Variants in LPCAT2 observed in about 807,000 individuals in gnomAD.
The protein encoded by LPCAT2 is lysophosphatidylcholine acyltransferase 2.
LPCAT2 carries 58 observed loss-of-function variants against 64.7 expected under a neutral mutation model. The ratio of observed to expected loss-of-function variants is 0.90; its 90% CI spans 0.73 to 1.12. LPCAT2 has a LOEUF of 1.12. Ranked by LOEUF, LPCAT2 falls within the 50% of genes most tolerant of loss-of-function variation. The probability of loss-of-function intolerance (pLI) is 0.00; values close to 1 mark genes in which losing one functional copy is unlikely to be tolerated. For synonymous variants in LPCAT2, 252 were observed against 245.3 expected (o/e 1.03, Z -0.26); for missense variants, 579 against 669.8 (o/e 0.86, Z 1.50).
intron 10 of LPCAT2, among the ~76,000 whole-genome samples, chr16:55,550,427 A>C (rs1295237227): frequency 6.6e-6 from 1 of 152,218 alleles, no homozygotes; most frequent in African/African-American, 2.4e-5. Context: ...TCTTGAAAGC[A>C]AGAATTGTTA....
Position 55,532,817 on chromosome 16 carries a change from G to T in LPCAT2, c.704-7G>T. 1.2e-6 allele frequency: 2 copies of T among 1,608,386 alleles called. No individual in the cohort carries two copies. Among genetic ancestry groups the T allele is most frequent in the South Asian group, 1.1e-5 (1 of 90,896 alleles). ...AAACACATTATAAACTTTCAATGTG[G>T]TTGCAGGAGCCTTCATTCCAGGAGT... On this transcript the variant is annotated splice_polypyrimidine_tract_variant and splice_region_variant and intron_variant, in intron 5 of 13. Coordinates refer to ENST00000262134, the MANE Select transcript of LPCAT2 (RefSeq NM_017839.5).
At chr16:55,535,086 C>T (rs1963307532) in intron 7 of LPCAT2, among the ~76,000 whole-genome samples, 1 of 152,146 alleles carries the variant, frequency 6.6e-6, no homozygotes, top group Non-Finnish European at 1.5e-5. Flanking sequence ...AACTTGGTTT[C>T]TCTCAAGATC....
chr16:55,514,342 C>T (rs1215726457), intron 1 of LPCAT2, among the ~76,000 whole-genome samples: 1 of 152,158 alleles, frequency 6.6e-6, no homozygotes, highest in African/African-American at 2.4e-5. Context: ...AAGGCTAAGG[C>T]AGAGTTGTCA....
At position 55,509,150 on chromosome 16, in the gene LPCAT2, C is replaced by T. The variant is rs2142382917; in HGVS notation, c.-32C>T. The T allele has an allele frequency of 3.1e-6, 4 of 1,306,322 alleles. No individual in the cohort carries two copies. In the South Asian group the frequency reaches 6.5e-5, roughly 21 times the overall value. 80.9% of individuals were successfully genotyped at this position (1,306,322 alleles called of 1,614,324 possible). On this transcript the variant is annotated 5_prime_UTR_variant, in exon 1 of 14. Transcript: ENST00000262134. ...TTTTGGCTGCAGCGCCCGCGTAGAT[C>T]GCTTCGGCCGGGTTCTACGCCCGGC...
chr16:55,517,609 C>G (rs541047064), intron 1 of LPCAT2, among the ~76,000 whole-genome samples: 14 of 152,224 alleles, frequency 9.2e-5, no homozygotes, highest in South Asian at 8.3e-4. Context: ...TGCTAGCAAA[C>G]TGAATCCAGC....
intron 1 of LPCAT2, among the ~76,000 whole-genome samples, chr16:55,524,902 G>A (rs144303297): frequency 2.6e-5 from 4 of 151,924 alleles, no homozygotes; most frequent in Non-Finnish European, 5.9e-5. Context: ...GTTACTACAC[G>A]CCAAGTGCTT....
At chr16:55,545,046 AAT>A (rs1963438149) in intron 8 of LPCAT2, among the ~76,000 whole-genome samples, 1 of 152,202 alleles carries the variant, frequency 6.6e-6, no homozygotes, top group Non-Finnish European at 1.5e-5. Context: ...GGTGCTGAAA[AAT>A]ACGTAATAAC....
intron 11 of LPCAT2, chr16:55,566,826 G>T: frequency 6.2e-7 from 1 of 1,613,808 alleles, no homozygotes; most frequent in Non-Finnish European, 8.5e-7. Context: ...AGGCCTCTTT[G>T]GAGGAGGTGG....
At chr16:55,511,309 C>G (rs1262492080) in intron 1 of LPCAT2, among the ~76,000 whole-genome samples, 1 of 152,046 alleles carries the variant, frequency 6.6e-6, no homozygotes, top group African/African-American at 2.4e-5. Flanking sequence ...TTATATAGAT[C>G]AGAGATACAA....
rs1963942518 is a variant in LPCAT2 at position 55,586,064 on chromosome 16, T to A, written c.*2966T>A. The A allele has an allele frequency of 6.6e-6, 1 of 152,204 alleles. No individual in the cohort carries two copies. Among genetic ancestry groups the A allele is most frequent in the Non-Finnish European group, 1.5e-5 (1 of 68,032 alleles). The allele number at this position is 152,204 out of a possible 1,614,324, so 9.4% of individuals were successfully genotyped here. A position where few individuals can be genotyped will look rare whatever the true frequency, so the allele number is the denominator to read the frequency against. ...CGGGAAAGTAGACATACTTACATTT[T>A]TTTCCTTTTCTGCTCATTTGAATGA... On this transcript the variant is annotated 3_prime_UTR_variant, in exon 14 of 14. Coordinates refer to ENST00000262134, the MANE Select transcript of LPCAT2 (RefSeq NM_017839.5).
At chr16:55,563,404 G>A (rs553681303) in intron 11 of LPCAT2, among the ~76,000 whole-genome samples, 4 of 151,696 alleles carry the variant, frequency 2.6e-5, no homozygotes, top group Admixed American at 6.6e-5. Flanking sequence ...AAAACACTTG[G>A]AGAGAAGAAA....
chr16:55,515,483 G>A (rs557689709), intron 1 of LPCAT2, among the ~76,000 whole-genome samples: 1 of 152,108 alleles, frequency 6.6e-6, no homozygotes, highest in Admixed American at 6.5e-5. Context: ...GAGTCTCTCA[G>A]GCTGAAATGA....
intron 11 of LPCAT2, among the ~76,000 whole-genome samples, chr16:55,562,994 A>G (rs1963652892): frequency 1.3e-5 from 2 of 151,852 alleles, no homozygotes; most frequent in Admixed American, 1.3e-4. Flanking sequence ...TCTCAAAAAT[A>G]TACTGTTGAG....
chr16:55,548,513 T>A (rs993963380), intron 9 of LPCAT2, among the ~76,000 whole-genome samples: 1 of 152,142 alleles, frequency 6.6e-6, no homozygotes, highest in Admixed American at 6.5e-5. Context: ...ATGCCATTTA[T>A]CTGTTTATTT....
intron 9 of LPCAT2, among the ~76,000 whole-genome samples, chr16:55,547,195 C>T (rs1387442364): frequency 6.6e-6 from 1 of 151,968 alleles, no homozygotes; most frequent in Non-Finnish European, 1.5e-5. Flanking sequence ...GATATTTTGG[C>T]TTCCCAAATT....
At chr16:55,549,713 C>T (rs1223764413) in intron 10 of LPCAT2, among the ~76,000 whole-genome samples, 1 of 152,208 alleles carries the variant, frequency 6.6e-6, no homozygotes, top group African/African-American at 2.4e-5. Context: ...CACCTTCTTA[C>T]AAGGACAGCA....
chr16:55,530,920 T>G (rs1791271003), intron 4 of LPCAT2, among the ~76,000 whole-genome samples: 1 of 152,176 alleles, frequency 6.6e-6, no homozygotes, highest in African/African-American at 2.4e-5. Context: ...CTACCACTAT[T>G]GTAGAAAGAA....
chr16:55,509,885 C>G (rs946760655), intron 1 of LPCAT2, among the ~76,000 whole-genome samples: 3 of 151,494 alleles, frequency 2.0e-5, no homozygotes, highest in Non-Finnish European at 4.4e-5. Context: ...ATTCCATGCC[C>G]CAGAAGGTTG....
intron 3 of LPCAT2, 118 bp downstream of exon 3, chr16:55,528,712 A>G: frequency 1.3e-6 from 1 of 750,938 alleles, no homozygotes; most frequent in East Asian, 2.7e-5. Context: ...CATTTCAAAC[A>G]TATTTACTTT....
Sources: gnomAD v4.1 joint callset for allele counts (sites outside exome capture counted in the v4.1 genomes callset) on GRCh38, gnomAD v4.1.1 for gene constraint, MANE v1.5 for transcripts, NCBI Gene and HGNC (gene_info 2026-07-23, HGNC 2026-07-21) for gene names.